The following FBXO44 variants were observed in gnomAD, a reference collection of about 807,000 sequenced individuals.
FBXO44 encodes the protein F-box protein 44, also known as F-box only protein 44.
A neutral mutation model predicts 33.5 loss-of-function variants in FBXO44; 25 were observed. The observed-to-expected ratio is 0.75, with a 90% CI of 0.54 to 1.04. The LOEUF is 1.04. FBXO44 is among the 50% of genes least tolerant of loss of function. FBXO44 has a pLI of 0.00. For missense variants in FBXO44, 311 were observed against 344.0 expected, an observed-to-expected ratio of 0.90 and a Z score of 0.76; for synonymous variants, 147 against 152.8, an observed-to-expected ratio of 0.96 and a Z score of 0.28.
Position 11,661,253 on chromosome 1 carries a change from A to T in FBXO44, c.748A>T (p.Ile250Phe), listed in dbSNP as rs746947104. The change falls in exon 6 of 6, where the codon ATC becomes TTC. Residue 250 changes from isoleucine to phenylalanine, a missense_variant. Transcript: ENST00000251547. This position sits in a 1 kb window ranked among gnomAD's most constrained non-coding sequence, Gnocchi z 4.4. ...GAGGGTCACCAACAGCAGCATCACCATCGGGCCCCCGCTGCCCTGACACCC... is the reference window on the plus strand; with the variant it reads ...GAGGGTCACCAACAGCAGCATCACCTTCGGGCCCCCGCTGCCCTGACACCC... ...GPRVTNSSIT[I>F]GPPLP 6.2e-7 allele frequency: 1 copy of T among 1,613,970 alleles called. No individual in the cohort carries two copies. The highest frequency in any genetic ancestry group is 1.1e-5 in the South Asian group (1 of 91,058).
intron 1 of FBXO44, 48 bp from the exon 2 acceptor site, chr1:11,655,758 G>A (rs1275106969): frequency 2.6e-6 from 4 of 1,568,318 alleles, no homozygotes; most frequent in East Asian, 2.3e-5. Flanking sequence ...GCTCTCCCGA[G>A]ATAAATGGCA....
At chr1:11,658,135 T>G in intron 2 of FBXO44, 132 bp from the exon 3 acceptor site, 1 of 1,470,978 alleles carries the variant, frequency 6.8e-7, no homozygotes, top group Non-Finnish European at 9.3e-7. Flanking sequence ...CACTGTGATC[T>G]GCAGCGTCCC....
intron 2 of FBXO44, 60 bp downstream of exon 2, chr1:11,656,160 T>C: frequency 6.3e-7 from 1 of 1,583,680 alleles, no homozygotes; most frequent in Non-Finnish European, 8.6e-7. Flanking sequence ...CAGGAACATG[T>C]ATTGAGCACT....
chr1:11,659,307 G>A (rs1238389489), intron 5 of FBXO44, among the ~76,000 whole-genome samples: 2 of 152,198 alleles, frequency 1.3e-5, no homozygotes, highest in Admixed American at 1.3e-4. Flanking sequence ...GAATCCAGGA[G>A]GCGGAGGTTG....
chr1:11,658,914 G>A (rs1259455852), intron 5 of FBXO44, 43 bp downstream of exon 5: 5 of 1,598,062 alleles, frequency 3.1e-6, no homozygotes, highest in Non-Finnish European at 4.2e-6. Context: ...GATCGTCCAA[G>A]GCTGAGGCTG....
chr1:11,661,633 T>C lies in FBXO44; in HGVS notation c.*360T>C. ...CTTCCCCTCCTGGGACCATTCTACC[T>C]GTGTTCTTTGACCCTCGGAGCAGGG... is the stretch of plus-strand genomic sequence containing the variant. On this transcript the variant is annotated 3_prime_UTR_variant, in exon 6 of 6. Coordinates refer to ENST00000251547, the MANE Select transcript of FBXO44 (RefSeq NM_033182.7). This position sits in a 1 kb window ranked among gnomAD's most constrained non-coding sequence, Gnocchi z 4.4. 1 of 289,820 alleles carries C rather than the reference T, an allele frequency of 3.5e-6. No individual in the cohort carries two copies. Among genetic ancestry groups the C allele is most frequent in the Non-Finnish European group, 6.5e-6 (1 of 153,790 alleles). 18.0% of individuals were successfully genotyped at this position (289,820 alleles called of 1,614,324 possible).
intron 3 of FBXO44, 55 bp from the exon 4 acceptor site, chr1:11,658,478 C>T: frequency 1.2e-6 from 2 of 1,609,234 alleles, no homozygotes; most frequent in Non-Finnish European, 1.7e-6. Flanking sequence ...CAGTCCTAGC[C>T]CCTCACTGCC....
intron 2 of FBXO44, among the ~76,000 whole-genome samples, chr1:11,657,048 C>T (rs956050227): frequency 6.6e-6 from 1 of 152,170 alleles, no homozygotes; most frequent in Non-Finnish European, 1.5e-5. Context: ...TGGGTTGACA[C>T]TGGGATGGCA....
At chr1:11,655,324 C>G (rs1352016907) in intron 1 of FBXO44, 6 of 155,824 alleles carry the variant, frequency 3.9e-5, no homozygotes, top group Non-Finnish European at 5.7e-5. Context: ...CCACTCCCAC[C>G]TAGGCAGGAG....
At chr1:11,658,908 G>A (rs752037754) in intron 5 of FBXO44, 37 bp downstream of exon 5, 12 of 1,599,032 alleles carry the variant, frequency 7.5e-6, no homozygotes, top group African/African-American at 2.7e-5. Context: ...GAGGCAGATC[G>A]TCCAAGGCTG....
At chr1:11,660,597 C>T (rs1432947442) in intron 5 of FBXO44, among the ~76,000 whole-genome samples, 1 of 152,172 alleles carries the variant, frequency 6.6e-6, no homozygotes, top group East Asian at 1.9e-4. Context: ...GATTTTGCTC[C>T]ATTTTATAGA....
chr1:11,661,172 A>G lies in FBXO44; in HGVS notation c.667A>G (p.Ile223Val), dbSNP rs748095177. ...CAACTACCCGCCCGGCGTCCGCTAC[A>G]TCTGGTTTCAGCACGGCGGCGTGGA... ...FSNYPPGVRY[I>V]WFQHGGVDTH... Residue 223 changes from isoleucine to valine, a missense_variant, in exon 6 of 6, where the codon ATC (isoleucine) becomes GTC (valine). Transcript: ENST00000251547. This position sits in a 1 kb window ranked among gnomAD's most constrained non-coding sequence, Gnocchi z 4.4. The G allele has an allele frequency of 6.2e-7, 1 of 1,613,944 alleles. No individual in the cohort carries two copies. Among genetic ancestry groups the G allele is most frequent in the Non-Finnish European group, 8.5e-7 (1 of 1,179,920 alleles).
At chr1:11,654,826 G>GGCAGGGC (rs1639650057), upstream of FBXO44, 1 of 144,358 alleles carries the variant, frequency 6.9e-6, no homozygotes, top group African/African-American at 2.5e-5. Context: ...CGCTGCGCGG[G>GGCAGGGC]GCGGGGCGCG....
intron 5 of FBXO44, 60 bp downstream of exon 5, chr1:11,658,931 G>C: frequency 1.3e-6 from 2 of 1,591,088 alleles, no homozygotes; most frequent in Middle Eastern, 1.7e-4. Context: ...GCTGTGGTCA[G>C]ACGGGGCCTA....
chr1:11,662,622 C>A lies in FBXO44; in HGVS notation c.*1349C>A, dbSNP rs911555344. On this transcript the variant is annotated 3_prime_UTR_variant, in exon 6 of 6. Coordinates refer to ENST00000251547, the MANE Select transcript of FBXO44 (RefSeq NM_033182.7). ...GCCTCCTGGTGTTACTCTTTGCCAA[C>A]AGCTTTACGGACATTGGATGAAGCC... The A allele has an allele frequency of 2.0e-5, 3 of 152,268 alleles. No homozygotes were observed. The highest frequency in any genetic ancestry group is 7.2e-5 in the African/African-American group (3 of 41,456). The allele number at this position is 152,268 out of a possible 1,614,324, so 9.4% of individuals were successfully genotyped here.
At chr1:11,658,226 T>TGAGG (rs1226891996) in intron 2 of FBXO44, 41 bp from the exon 3 acceptor site, 1 of 1,609,176 alleles carries the variant, frequency 6.2e-7, no homozygotes, top group Non-Finnish European at 8.5e-7. Context: ...AGGCGGCCAC[T>TGAGG]GAGGGGCTTC....
Position 11,656,048 on chromosome 1 carries a change from C to G in FBXO44, c.213C>G (p.Phe71Leu). 6.2e-7 allele frequency: 1 copy of G among 1,614,162 alleles called. No individual in the cohort carries two copies. The highest frequency in any genetic ancestry group is 8.5e-7 in the Non-Finnish European group (1 of 1,180,030). ...AGCCCGTGGCCGACTGGAAGATCTT[C>G]TACTTCTTACGGAGCCTGCACAGGA... ...WDQPVADWKI[F>L]YFLRSLHRNL... Residue 71 changes from phenylalanine to leucine, a missense_variant, in exon 2 of 6, where the codon TTC (phenylalanine) becomes TTG (leucine). Coordinates refer to ENST00000251547, the MANE Select transcript of FBXO44 (RefSeq NM_033182.7).
At chr1:11,657,200 T>C (rs1639868888) in intron 2 of FBXO44, among the ~76,000 whole-genome samples, 1 of 152,142 alleles carries the variant, frequency 6.6e-6, no homozygotes, top group Non-Finnish European at 1.5e-5. Context: ...TAAAGTGTTA[T>C]AAAAAGAAGA....
chr1:11,657,634 G>A (rs988091035), intron 2 of FBXO44, among the ~76,000 whole-genome samples: 2 of 152,138 alleles, frequency 1.3e-5, no homozygotes, highest in Admixed American at 6.5e-5. Flanking sequence ...CCAGCTACTC[G>A]GGAGGCTGAA....
Sources: allele counts gnomAD v4.1 joint callset (sites outside exome capture counted in the v4.1 genomes callset), GRCh38; gene constraint gnomAD v4.1.1; non-coding constraint Gnocchi (gnomAD v3.1); transcripts MANE v1.5; gene names NCBI Gene and HGNC (gene_info 2026-07-23, HGNC 2026-07-21).